Variants in LILRA4 observed in about 807,000 individuals in gnomAD.
LILRA4 encodes the protein leukocyte immunoglobulin like receptor A4.
LILRA4 carries 51 observed loss-of-function variants against 49.5 expected under a neutral mutation model. The observed-to-expected ratio is 1.03, with a 90% CI of 0.82 to 1.30. The LOEUF (loss-of-function observed/expected upper bound fraction) is 1.30, where lower values mean the gene tolerates loss of function less well. Among genes scored for constraint, LILRA4 ranks in the 50% most tolerant of loss-of-function variants. The pLI, the probability that LILRA4 is intolerant of heterozygous loss-of-function variation, is 0.00. For missense variants in LILRA4, 624 were observed against 625.6 expected (o/e 1.00, Z 0.03); for synonymous variants, 272 against 265.6 (o/e 1.02, Z -0.23).
In LILRA4 at chr19:54,339,063, AG is replaced by A. The variant is rs2081363891; in HGVS notation, c.30del (p.Phe11LeufsTer3). 6.2e-7 allele frequency: 1 copy of A among 1,614,174 alleles called. No homozygotes were observed. Among genetic ancestry groups the A allele is most frequent in the Non-Finnish European group, 8.5e-7 (1 of 1,180,014 alleles). MTLILTSLL[F>X]FGLSLGPRTR... ...CCTCCCCCTCTTAAGATCTCACCAA[AG>A]AAGAGCAGGCTTGTGAGAATGAGGG... On this transcript the variant is annotated frameshift_variant, in exon 1 of 8. Transcript: ENST00000291759. LOFTEE classifies it high-confidence loss of function.
intron 5 of LILRA4, 30 bp from the exon 6 acceptor site, chr19:54,337,173 G>A (rs1333406953): frequency 6.9e-6 from 11 of 1,589,868 alleles, no homozygotes; most frequent in Non-Finnish European, 7.7e-6. Context: ...GTGAGGGGCT[G>A]CCCCACCTTG....
chr19:54,337,336 G>A (rs1178779565), intron 5 of LILRA4, 64 bp downstream of exon 5: 9 of 1,586,606 alleles, frequency 5.7e-6, no homozygotes, highest in South Asian at 2.3e-5. Context: ...TCACCACCTG[G>A]GCTCCCCCAG....
At position 54,337,037 on chromosome 19, in the gene LILRA4, G is replaced by A. The variant is rs774181589; in HGVS notation, c.1059C>T (p.Phe353=). 1.1e-5 allele frequency: 18 copies of A among 1,614,152 alleles called. No homozygotes were observed. Among genetic ancestry groups the A allele is most frequent in the East Asian group, 8.9e-5 (4 of 44,876 alleles). The change falls in exon 6 of 8, where the codon TTC becomes TTT. Residue 353 remains phenylalanine, a synonymous_variant. Coordinates refer to ENST00000291759, the MANE Select transcript of LILRA4 (RefSeq NM_012276.5). ...GGGCTGCCCCCTCCTTGGTCAGAAG[G>A]AAAGTGAACATCGGGTCCCATGACT... ...LCQSWDPMFT[F]LLTKEGAAHP...
In LILRA4 at chr19:54,338,869, C is replaced by A. The variant is rs764423816; in HGVS notation, c.67G>T (p.Ala23Ser). 1 of 1,614,106 alleles carries A rather than the reference C, an allele frequency of 6.2e-7. No individual in the cohort carries two copies. The highest frequency in any genetic ancestry group is 8.5e-7 in the Non-Finnish European group (1 of 1,180,008). ...GGACAGCTGGGGACAGACTCACCTG[C>A]CTGCACCCGGGTCCTGGGGCCCAGG... ...LSLGPRTRVQ[A>S]ENLLKPILWA... The change falls in exon 2 of 8, where the codon GCA (alanine) becomes TCA (serine). Residue 23 changes from alanine (A) to serine (S), a missense_variant. By Grantham distance (99) the Ala-to-Ser change is moderately conservative. Coordinates refer to ENST00000291759, the MANE Select transcript of LILRA4 (RefSeq NM_012276.5).
In LILRA4 at chr19:54,338,445, G is replaced by A. The variant is rs1396890330; in HGVS notation, c.306C>T (p.Ser102=). The part of the protein sequence containing the change: ...HAGRYHCYYQ[S]PAGWSEPSDP... ...CGCTGGGCTCTGACCAGCCTGCAGG[G>A]CTCTGATAGTAACAGTGATATCGCC... Residue 102 remains serine, a synonymous_variant, in exon 3 of 8, where the codon AGC becomes AGT. Coordinates refer to ENST00000291759, the MANE Select transcript of LILRA4 (RefSeq NM_012276.5). The A allele has an allele frequency of 6.2e-7, 1 of 1,614,146 alleles. No homozygotes were observed.
intron 7 of LILRA4, 57 bp from the exon 8 acceptor site, chr19:54,333,822 A>G: frequency 6.2e-7 from 1 of 1,611,338 alleles, no homozygotes; most frequent in Non-Finnish European, 8.5e-7. Flanking sequence ...ATTACCAAAG[A>G]CCCCTGGATG....
At chr19:54,337,752 C>CT in intron 4 of LILRA4, 56 bp from the exon 5 acceptor site, 1 of 1,549,376 alleles carries the variant, frequency 6.5e-7, no homozygotes. Flanking sequence ...GCGCCCCTTC[C>CT]TTCTGTAGCC....
intron 6 of LILRA4, chr19:54,336,409 T>G: frequency 2.8e-5 from 6 of 216,420 alleles, no homozygotes; most frequent in South Asian, 1.0e-4. Context: ...AGGTGGGGCC[T>G]CCGTCTTCCA....
chr19:54,337,107 G>A lies in LILRA4; in HGVS notation c.989C>T (p.Pro330Leu), dbSNP rs749999776. Reference sequence around the variant, plus strand: ...CTCTCCTGAGGTCACCGTGGGGCCCGGCTGCACTGAGAGGGAGGGTCTGTC... The same window carrying A: ...CTCTCCTGAGGTCACCGTGGGGCCCAGCTGCACTGAGAGGGAGGGTCTGTC... ...ISDRPSLSVQ[P>L]GPTVTSGEKV... Residue 330 changes from proline (P) to leucine (L), a missense_variant, in exon 6 of 8, where the codon CCG (proline) becomes CTG (leucine). Pro to Leu is a moderately conservative substitution (Grantham distance 98). Transcript: ENST00000291759. The A allele has an allele frequency of 1.2e-5, 19 of 1,613,772 alleles. No individual in the cohort carries two copies. In the Middle Eastern group the frequency reaches 4.9e-4, roughly 42 times the overall value.
At position 54,337,404 on chromosome 19, in the gene LILRA4, G is replaced by A. The variant is rs142322002; in HGVS notation, c.948C>T (p.Ile316=). 220 of 1,611,342 alleles carry A rather than the reference G, an allele frequency of 1.4e-4. No homozygotes were observed. In the African/African-American group the frequency reaches 2.3e-3, roughly 17 times the overall value. ...TGAACCCGCTGGGCTCCTCACCTGC[G>A]ATCAGGATATCCAGGGGGTCACTGG... is the stretch of plus-strand genomic sequence containing the variant. The part of the protein sequence containing the change: ...SAPSDPLDIL[I]AGQISDRPSL... Residue 316 remains isoleucine, a synonymous_variant, in exon 5 of 8, where the codon ATC becomes ATT. Coordinates refer to ENST00000291759, the MANE Select transcript of LILRA4 (RefSeq NM_012276.5).
rs1032787227 is a variant in LILRA4 at position 54,335,255 on chromosome 19, CT to C, written c.1256-1291del. 114 of 152,280 alleles carry C rather than the reference CT, an allele frequency of 7.5e-4. 1 individual carries two copies. The highest frequency in any genetic ancestry group is 2.6e-3 in the African/African-American group (110 of 41,556). 9.4% of individuals were successfully genotyped at this position (152,280 alleles called of 1,614,324 possible). The stretch of plus-strand genomic sequence containing the variant: ...CCAGTGGGAGGTGATTGGCTTCCCC[CT>C]GGCTGCTCTCATGATAGTGAGTTGT... On this transcript the variant is annotated intron_variant, in intron 6 of 7. Transcript: ENST00000291759.
rs752041925 is a variant in LILRA4, at chr19:54,333,573, C to G, written c.1499G>C (p.Ter500SerextTer1). Residue 500 changes from the stop codon to serine (S), a stop_lost, in exon 8 of 8, where the codon TGA (stop) becomes TCA (serine). Transcript: ENST00000291759. ...GTCTTCCAGAACCTCCTCAGATCAT[C>G]AGATCTGTTCCCAAGGCTCCACCAC... Reference protein sequence around the residue: ...FRVVEPWEQI* With the variant: ...FRVVEPWEQIS 6.2e-7 allele frequency: 1 copy of G among 1,613,630 alleles called. No individual in the cohort carries two copies. The highest frequency in any genetic ancestry group is 1.7e-5 in the Admixed American group (1 of 59,930).
rs753199251 is a variant in LILRA4, at chr19:54,337,004, C to T, written c.1092G>A (p.Pro364=). Residue 364 remains proline (P), a synonymous_variant, in exon 6 of 8, where the codon CCG becomes CCA. Coordinates refer to ENST00000291759, the MANE Select transcript of LILRA4 (RefSeq NM_012276.5). The part of the protein sequence containing the change: ...LLTKEGAAHP[P]LRLRSMYGAH... ...CTCCGTACATTGATCTCAGACGCAA[C>T]GGGGGATGGGCTGCCCCCTCCTTGG... 9.9e-5 allele frequency: 160 copies of T among 1,609,978 alleles called. No individual in the cohort carries two copies. Among genetic ancestry groups the T allele is most frequent in the African/African-American group, 1.8e-4 (13 of 74,096 alleles).
intron 6 of LILRA4, 34 bp from the exon 7 acceptor site, chr19:54,333,999 G>C (rs1352491893): frequency 6.3e-7 from 1 of 1,580,164 alleles, no homozygotes; most frequent in South Asian, 1.1e-5. Context: ...TTGGTGAGAA[G>C]CTGAAGAGCC....
chr19:54,333,804 A>T (rs1308069703), intron 7 of LILRA4, 39 bp from the exon 8 acceptor site: 27 of 1,613,220 alleles, frequency 1.7e-5, no homozygotes, highest in Non-Finnish European at 2.1e-5. Flanking sequence ...AGGTCAGGGC[A>T]GATCACAATT....
chr19:54,335,716 C>CT (rs1158696983), intron 6 of LILRA4: 1 of 152,188 alleles, frequency 6.6e-6, no homozygotes, highest in Non-Finnish European at 1.5e-5. Context: ...CCAGGCTGGT[C>CT]TTTCATTCCT....
rs200350615 is a variant in LILRA4, at chr19:54,337,345, A to G, written c.952+55T>C. The G allele has an allele frequency of 5.6e-3, 8,363 of 1,503,286 alleles. 12 individuals are homozygous for G. The highest frequency in any genetic ancestry group is 6.7e-3 in the Non-Finnish European group (7,485 of 1,121,046). The allele number at this position is 1,503,286 out of a possible 1,614,324, so 93.1% of individuals were successfully genotyped here. A position where few individuals can be genotyped will look rare whatever the true frequency, so the allele number is the denominator to read the frequency against. On this transcript the variant is annotated intron_variant, in intron 5 of 7. Coordinates refer to ENST00000291759, the MANE Select transcript of LILRA4 (RefSeq NM_012276.5). ...CGGCCATCACCACCTGGGCTCCCCC[A>G]GCAGGGCCTGTGCAGAGCCTGGGTC...
chr19:54,334,592 C>A (rs1323111392), intron 6 of LILRA4: 1 of 152,134 alleles, frequency 6.6e-6, no homozygotes, highest in Non-Finnish European at 1.5e-5. Context: ...AGAAAAACAT[C>A]ATTTCTGCTT....
In LILRA4 at chr19:54,333,526, C is replaced by T; in HGVS notation, c.*46G>A. On this transcript the variant is annotated 3_prime_UTR_variant, in exon 8 of 8. Coordinates refer to ENST00000291759, the MANE Select transcript of LILRA4 (RefSeq NM_012276.5). ...TCTTCCCCTTGATATTCTCAGCAGACACTTCCCCAACTGCTGCCCCAGTCT... is the reference window on the plus strand; with the variant it reads ...TCTTCCCCTTGATATTCTCAGCAGATACTTCCCCAACTGCTGCCCCAGTCT... The T allele has an allele frequency of 6.3e-7, 1 of 1,580,062 alleles. No homozygotes were observed. The highest frequency in any genetic ancestry group is 8.7e-7 in the Non-Finnish European group (1 of 1,151,674).
Sources: allele counts gnomAD v4.1 joint callset, GRCh38; gene constraint gnomAD v4.1.1; transcripts MANE v1.5; gene names NCBI Gene and HGNC (gene_info 2026-07-23, HGNC 2026-07-21).